The following TTBK2 variants were observed in gnomAD, a reference collection of about 807,000 sequenced individuals.
The protein encoded by TTBK2 is tau-tubulin kinase 2.
TTBK2 carries 28 observed loss-of-function variants against 110.8 expected under a neutral mutation model. The ratio of observed to expected loss-of-function variants is 0.25; its 90% CI spans 0.19 to 0.35. The LOEUF (loss-of-function observed/expected upper bound fraction) is 0.35, where lower values mean the gene tolerates loss of function less well. Among genes scored for constraint, TTBK2 ranks in the 10% least tolerant of loss-of-function variants. The probability of loss-of-function intolerance (pLI) is 1.00; values close to 1 mark genes in which losing one functional copy is unlikely to be tolerated. For missense variants in TTBK2, 1,369 were observed against 1,500.3 expected, an observed-to-expected ratio of 0.91 and a Z score of 1.45; for synonymous variants, 532 against 527.3, an observed-to-expected ratio of 1.01 and a Z score of -0.12.
chr15:42,808,512 G>GT (rs920551641), intron 9 of TTBK2, among the ~76,000 whole-genome samples: 10 of 143,064 alleles, frequency 7.0e-5, no homozygotes, highest in Non-Finnish European at 1.3e-4. Flanking sequence ...GAGGTTTATT[G>GT]TTTTTTTTAA....
intron 4 of TTBK2, 81 bp from the exon 5 acceptor site, chr15:42,830,159 A>G: frequency 6.5e-7 from 1 of 1,544,290 alleles, no homozygotes; most frequent in Non-Finnish European, 8.8e-7. Context: ...CTCACTTACC[A>G]TTAAAAGATG....
Position 42,920,649 on chromosome 15 carries a change from G to T in TTBK2, c.-279C>A, listed in dbSNP as rs866690514. 3.9e-4 allele frequency: 60 copies of T among 154,320 alleles called. 1 individual carries two copies. The highest frequency in any genetic ancestry group is 3.3e-4 in the Admixed American group (5 of 15,232). The allele number at this position is 154,320 out of a possible 1,614,324, so 9.6% of individuals were successfully genotyped here. A position where few individuals can be genotyped will look rare whatever the true frequency, so the allele number is the denominator to read the frequency against. ...CGCGTTTACTGGCGGCGGCGGCGGC[G>T]GCTGCTGCTGCTGTTACTGCTGCTG... On this transcript the variant is annotated 5_prime_UTR_variant, in exon 1 of 15. Transcript: ENST00000267890.
chr15:42,746,252 C>T lies in TTBK2; in HGVS notation c.3278G>A (p.Arg1093His), dbSNP rs1367109204. The T allele has an allele frequency of 2.5e-6, 4 of 1,611,216 alleles. No homozygotes were observed. Among genetic ancestry groups the T allele is most frequent in the Non-Finnish European group, 3.4e-6 (4 of 1,177,880 alleles). Residue 1093 changes from arginine to histidine, a missense_variant, in exon 15 of 15, where the codon CGC (arginine) becomes CAC (histidine). By Grantham distance (29) the Arg-to-His change is conservative. Transcript: ENST00000267890. Reference protein sequence around the residue: ...PTRPGVEARLRRYKVLGSSNS... With the variant: ...PTRPGVEARLHRYKVLGSSNS... ...ACTACTCCCTAGGACTTTATATCTG[C>T]GTAGCCTTAAAAGAACAGAGAAAAT...
chr15:42,906,060 T>C (rs970739822), intron 1 of TTBK2, among the ~76,000 whole-genome samples: 2 of 152,078 alleles, frequency 1.3e-5, no homozygotes, highest in African/African-American at 4.8e-5. Flanking sequence ...TGGTAGTGCA[T>C]GCCTGTAATC....
In TTBK2 at chr15:42,745,831, T is replaced by C. The variant is rs2061784040; in HGVS notation, c.3699A>G (p.Gln1233=). The part of the protein sequence containing the change: ...HHHSASTKTP[Q]GKSKPASKLS... ...GTTTACTGGCTGGCTTACTCTTCCC[T>C]TGGGGGGTTTTAGTGCTGGCTGAGT... The change falls in exon 15 of 15, where the codon CAA becomes CAG. Residue 1233 remains glutamine, a synonymous_variant. Coordinates refer to ENST00000267890, the MANE Select transcript of TTBK2 (RefSeq NM_173500.4). 1.2e-6 allele frequency: 2 copies of C among 1,614,108 alleles called. No homozygotes were observed. The highest frequency in any genetic ancestry group is 1.7e-6 in the Non-Finnish European group (2 of 1,180,022).
At chr15:42,810,551 A>G (rs1013587440) in intron 9 of TTBK2, 63 bp downstream of exon 9, 9 of 1,602,786 alleles carry the variant, frequency 5.6e-6, no homozygotes, top group Admixed American at 1.7e-5. Flanking sequence ...CAAAGCTACA[A>G]TGAGTGAAAG....
At chr15:42,825,374 T>C (rs990938807) in intron 6 of TTBK2, among the ~76,000 whole-genome samples, 1 of 152,072 alleles carries the variant, frequency 6.6e-6, no homozygotes, top group Non-Finnish European at 1.5e-5. Flanking sequence ...CTGCACTGGG[T>C]AATATGATAG....
intron 4 of TTBK2, among the ~76,000 whole-genome samples, chr15:42,834,420 T>C (rs1172691575): frequency 2.6e-5 from 4 of 152,156 alleles, no homozygotes; most frequent in Admixed American, 2.0e-4. Flanking sequence ...CTAAACATCA[T>C]TTCCCATTAA....
chr15:42,919,877 C>G, intron 1 of TTBK2: 2 of 934,218 alleles, frequency 2.1e-6, no homozygotes, highest in Non-Finnish European at 2.6e-6. Context: ...TCTTTTGTCC[C>G]TCCCACAGCA....
intron 7 of TTBK2, among the ~76,000 whole-genome samples, chr15:42,815,952 A>ATATATATAT (rs1328435730): frequency 6.0e-5 from 2 of 33,416 alleles, no homozygotes; most frequent in African/African-American, 4.0e-4. Context: ...ATATATTTAA[A>ATATATATAT]AAAAAAATAT....
chr15:42,750,702 GA>G (rs1011959459), intron 14 of TTBK2, among the ~76,000 whole-genome samples: 3 of 151,686 alleles, frequency 2.0e-5, no homozygotes, highest in Admixed American at 6.6e-5. Context: ...TTAAAAAAAA[GA>G]AAAAAAGCCT....
chr15:42,816,051 T>A (rs1365632591), intron 7 of TTBK2, among the ~76,000 whole-genome samples: 1 of 112,824 alleles, frequency 8.9e-6, no homozygotes, highest in African/African-American at 3.7e-5. Context: ...CCTCTCTCTA[T>A]ATAAAAATAT....
chr15:42,845,218 G>T (rs779568994), intron 3 of TTBK2, among the ~76,000 whole-genome samples: 9 of 152,136 alleles, frequency 5.9e-5, no homozygotes, highest in Non-Finnish European at 1.3e-4. Context: ...ACGAGTTAAG[G>T]TGGGCTGAGG....
At chr15:42,907,475 T>C (rs2030474795) in intron 1 of TTBK2, among the ~76,000 whole-genome samples, 1 of 152,222 alleles carries the variant, frequency 6.6e-6, no homozygotes, top group Admixed American at 6.5e-5. Flanking sequence ...ATACACTGTG[T>C]ATACACATTC....
chr15:42,813,274 C>T (rs1332824776), intron 7 of TTBK2, among the ~76,000 whole-genome samples: 1 of 152,170 alleles, frequency 6.6e-6, no homozygotes, highest in Non-Finnish European at 1.5e-5. Context: ...GTAATCCCAG[C>T]ACTTTGGGAG....
intron 4 of TTBK2, among the ~76,000 whole-genome samples, chr15:42,838,174 C>T (rs913482492): frequency 4.6e-5 from 7 of 151,998 alleles, no homozygotes; most frequent in African/African-American, 1.7e-4. Context: ...CGCCATTGCA[C>T]TCAGCCTGGG....
In TTBK2 at chr15:42,745,797, A is replaced by G; in HGVS notation, c.3733T>C (p.Ter1245GlnextTer15). ...KSKPASKLSR[*>Q] ...TTCAAAGAGATGCAGCCTGGCTCCT[A>G]TCTGCTGAGTTTACTGGCTGGCTTA... The change falls in exon 15 of 15, where the codon TAG (stop) becomes CAG (glutamine). Residue 1245 changes from the stop codon to glutamine, a stop_lost. Coordinates refer to ENST00000267890, the MANE Select transcript of TTBK2 (RefSeq NM_173500.4). The G allele has an allele frequency of 6.2e-7, 1 of 1,614,042 alleles. No homozygotes were observed. Among genetic ancestry groups the G allele is most frequent in the East Asian group, 2.2e-5 (1 of 44,884 alleles).
At chr15:42,849,062 C>A (rs879534369) in intron 3 of TTBK2, among the ~76,000 whole-genome samples, 1 of 152,044 alleles carries the variant, frequency 6.6e-6, no homozygotes, top group Non-Finnish European at 1.5e-5. Context: ...CTTTATATAT[C>A]TTTGCTGCAC....
chr15:42,872,550 A>T, intron 3 of TTBK2, 61 bp downstream of exon 3: 4 of 1,570,302 alleles, frequency 2.5e-6, no homozygotes, highest in Non-Finnish European at 3.5e-6. Context: ...GTTCAGGAAG[A>T]TACAAATAAA....
Sources: allele counts gnomAD v4.1 joint callset (sites outside exome capture counted in the v4.1 genomes callset), GRCh38; gene constraint gnomAD v4.1.1; transcripts MANE v1.5; gene names NCBI Gene and HGNC (gene_info 2026-07-23, HGNC 2026-07-21).